The following RALYL variants were observed in gnomAD, a reference collection of about 807,000 sequenced individuals.
RALYL encodes the protein RNA-binding Raly-like protein.
Under a neutral mutation model 35.1 loss-of-function variants are expected in RALYL, and 29 were observed. That is an observed-to-expected ratio of 0.83 (90% confidence interval 0.61 to 1.13). RALYL has a LOEUF of 1.13. RALYL is among the 50% of genes most tolerant of loss of function. RALYL has a pLI of 0.00. For missense variants in RALYL, 359 were observed against 360.4 expected (o/e 1.00, Z 0.03); for synonymous variants, 120 against 127.6 (o/e 0.94, Z 0.40).
intron 2 of RALYL, among the ~76,000 whole-genome samples, chr8:84,736,460 T>C (rs911170806): frequency 1.3e-5 from 2 of 152,060 alleles, no homozygotes. Context: ...AACTTAGAGG[T>C]TGAAAAAGTT....
At chr8:84,292,564 G>T (rs1479895650) in intron 1 of RALYL, among the ~76,000 whole-genome samples, 2 of 152,062 alleles carry the variant, frequency 1.3e-5, no homozygotes, top group African/African-American at 4.8e-5. Context: ...ACAAAATACA[G>T]GTCATAAAGA....
chr8:84,706,038 G>A, intron 2 of RALYL: 2 of 1,535,146 alleles, frequency 1.3e-6, no homozygotes, highest in Non-Finnish European at 1.7e-6. Flanking sequence ...CCATGTACAA[G>A]AGCAAACGCA....
At chr8:84,391,710 A>G (rs371082915) in intron 1 of RALYL, among the ~76,000 whole-genome samples, 123 of 152,142 alleles carry the variant, frequency 8.1e-4, no homozygotes, top group African/African-American at 1.9e-3. Context: ...GCTAACAACT[A>G]TTAGTCTTTA....
At chr8:84,450,511 G>T (rs73688496) in intron 1 of RALYL, among the ~76,000 whole-genome samples, 1,789 of 151,836 alleles carry the variant, frequency 0.012, 40 homozygotes, top group African/African-American at 0.041. Flanking sequence ...AGTTATGCCT[G>T]CTACTAGATA....
intron 1 of RALYL, among the ~76,000 whole-genome samples, chr8:84,451,287 T>G (rs894333062): frequency 2.0e-5 from 3 of 151,994 alleles, no homozygotes; most frequent in African/African-American, 7.2e-5. Context: ...TCATTTTTAG[T>G]TCCGTATCCC....
chr8:84,915,117 T>G (rs1848249286), intron 8 of RALYL, among the ~76,000 whole-genome samples: 1 of 152,108 alleles, frequency 6.6e-6, no homozygotes, highest in African/African-American at 2.4e-5. Flanking sequence ...ATATAAACTG[T>G]TTTTATAAAC....
intron 1 of RALYL, among the ~76,000 whole-genome samples, chr8:84,435,435 C>CA (rs2047609062): frequency 6.6e-6 from 1 of 151,954 alleles, no homozygotes; most frequent in South Asian, 2.1e-4. Flanking sequence ...GATCAGTCTC[C>CA]AAAAACAACA....
chr8:84,756,232 C>A (rs1811383368), intron 2 of RALYL, among the ~76,000 whole-genome samples: 1 of 151,976 alleles, frequency 6.6e-6, no homozygotes, highest in Non-Finnish European at 1.5e-5. Flanking sequence ...TTTCCAGATG[C>A]CGAATTTCTA....
chr8:84,405,626 C>T (rs1260299317), intron 1 of RALYL, among the ~76,000 whole-genome samples: 1 of 152,048 alleles, frequency 6.6e-6, no homozygotes, highest in Non-Finnish European at 1.5e-5. Context: ...TGATAAATTC[C>T]TGGACACATA....
intron 1 of RALYL, among the ~76,000 whole-genome samples, chr8:84,442,781 G>A (rs1195710031): frequency 6.6e-6 from 1 of 152,086 alleles, no homozygotes; most frequent in Non-Finnish European, 1.5e-5. Flanking sequence ...GGCCACAAAA[G>A]AACTCACGTG....
chr8:84,575,061 A>G (rs190826245), intron 2 of RALYL, among the ~76,000 whole-genome samples: 4 of 152,258 alleles, frequency 2.6e-5, no homozygotes, highest in African/African-American at 4.8e-5. Flanking sequence ...AGATTTTTGA[A>G]TTATAAAAGC....
chr8:84,464,130 AGTTTTTTTTTT>A (rs2051193505), intron 1 of RALYL, among the ~76,000 whole-genome samples: 1 of 128,086 alleles, frequency 7.8e-6, no homozygotes, highest in African/African-American at 2.9e-5. Context: ...CATTAAAACA[AGTTTTTTTTTT>A]GTTTTTTTTT....
chr8:84,236,543 G>A (rs1348167051), intron 1 of RALYL, among the ~76,000 whole-genome samples: 3 of 152,060 alleles, frequency 2.0e-5, no homozygotes, highest in African/African-American at 4.8e-5. Flanking sequence ...CAAGTCATGC[G>A]ATTGGGTTGC....
At chr8:84,719,236 C>G (rs1254492341) in intron 2 of RALYL, among the ~76,000 whole-genome samples, 3 of 152,046 alleles carry the variant, frequency 2.0e-5, no homozygotes, top group Non-Finnish European at 2.9e-5. Context: ...CCTAGGAAGC[C>G]CTCAATTAAT....
intron 1 of RALYL, among the ~76,000 whole-genome samples, chr8:84,210,858 A>G (rs1819329962): frequency 1.4e-5 from 2 of 147,980 alleles, no homozygotes; most frequent in South Asian, 2.1e-4. Context: ...GTCATGTCAT[A>G]GCTAGCTCTG....
At chr8:84,697,489 T>G (rs1410040611) in intron 2 of RALYL, among the ~76,000 whole-genome samples, 1 of 152,098 alleles carries the variant, frequency 6.6e-6, no homozygotes, top group Admixed American at 6.6e-5. Flanking sequence ...AAGTCCATAA[T>G]GGACCTTAGA....
In RALYL at chr8:84,526,145, G is replaced by C. The variant is rs535776556; in HGVS notation, c.-23-3154G>C. Among the ~76,000 whole-genome samples the C allele has an allele frequency of 9.2e-5, 14 of 151,750 alleles. 1 individual carries two copies. The South Asian group carries it at 2.9e-3, about 32-fold the overall frequency. ...TTTTTTTGTATTTTTAGTGGAGATG[G>C]GGTTTCACCATGTTGGCCAGGCTAG... On this transcript the variant is annotated intron_variant, in intron 1 of 8. Transcript: ENST00000521268.
At chr8:84,684,068 T>C (rs972099238) in intron 2 of RALYL, among the ~76,000 whole-genome samples, 3 of 152,070 alleles carry the variant, frequency 2.0e-5, no homozygotes, top group Admixed American at 2.0e-4. Context: ...AAGACGTAAA[T>C]AAGATCATTA....
chr8:84,497,116 C>A (rs1344193947), intron 1 of RALYL, among the ~76,000 whole-genome samples: 1 of 152,078 alleles, frequency 6.6e-6, no homozygotes, highest in Non-Finnish European at 1.5e-5. Flanking sequence ...TCCATGAAAA[C>A]CTCCATCCAT....
Sources: allele counts gnomAD v4.1 joint callset (sites outside exome capture counted in the v4.1 genomes callset), GRCh38; gene constraint gnomAD v4.1.1; transcripts MANE v1.5; gene names NCBI Gene and HGNC (gene_info 2026-07-23, HGNC 2026-07-21).